RABGAP1L: variants seen among roughly 807,000 people sequenced by gnomAD.
RABGAP1L encodes RAB GTPase activating protein 1 like, also known as rab GTPase-activating protein 1-like.
A neutral mutation model predicts 137.7 loss-of-function variants in RABGAP1L; 63 were observed. The ratio of observed to expected loss-of-function variants is 0.46; its 90% confidence interval spans 0.37 to 0.56. The LOEUF (loss-of-function observed/expected upper bound fraction) is 0.56. Among genes scored for constraint, RABGAP1L ranks in the 20% least tolerant of loss-of-function variants. The probability of loss-of-function intolerance (pLI) is 0.00; values close to 1 mark genes in which losing one functional copy is unlikely to be tolerated. For synonymous variants in RABGAP1L, 431 were observed against 433.7 expected (o/e 0.99, Z 0.08); for missense variants, 1,095 against 1,244.0 (o/e 0.88, Z 1.80).
chr1:174,546,411 C>T (rs1403625365), intron 13 of RABGAP1L, among the ~76,000 whole-genome samples: 7 of 152,124 alleles, frequency 4.6e-5, no homozygotes, highest in African/African-American at 1.7e-4. Flanking sequence ...AAAAAATAGA[C>T]TATTAAACCA....
At chr1:174,290,259 T>C (rs1676469279) in intron 10 of RABGAP1L, among the ~76,000 whole-genome samples, 1 of 152,228 alleles carries the variant, frequency 6.6e-6, no homozygotes, top group Non-Finnish European at 1.5e-5. Flanking sequence ...ATGTGCTTGT[T>C]GCATGTGGTC....
intron 12 of RABGAP1L, among the ~76,000 whole-genome samples, chr1:174,384,876 A>G (rs1360426484): frequency 6.6e-6 from 1 of 152,204 alleles, no homozygotes; most frequent in Non-Finnish European, 1.5e-5. Context: ...ATATATCTAT[A>G]TTTGGTAATT....
At chr1:174,186,200 A>G (rs1001506059) in intron 1 of RABGAP1L, among the ~76,000 whole-genome samples, 8 of 152,074 alleles carry the variant, frequency 5.3e-5, no homozygotes, top group African/African-American at 1.9e-4. Flanking sequence ...AGAGAGTTTT[A>G]TGTTGACTTC....
At chr1:174,518,655 T>A (rs1022011836) in intron 13 of RABGAP1L, among the ~76,000 whole-genome samples, 1 of 152,234 alleles carries the variant, frequency 6.6e-6, no homozygotes, top group African/African-American at 2.4e-5. Flanking sequence ...AAGGAGATGC[T>A]GTTCACATTG....
chr1:174,700,999 G>A (rs958417310), intron 16 of RABGAP1L: 25 of 1,208,938 alleles, frequency 2.1e-5, no homozygotes, highest in Middle Eastern at 2.3e-4. Context: ...GCATTTGGAC[G>A]TTCCATTTGA....
intron 19 of RABGAP1L, among the ~76,000 whole-genome samples, chr1:174,840,822 A>AT (rs11453169): frequency 1.2e-5 from 1 of 86,462 alleles, no homozygotes; most frequent in Non-Finnish European, 3.1e-5. Context: ...TCTCAAAAAA[A>AT]AAAATAAAAA....
chr1:174,274,344 C>G (rs1674791700), intron 8 of RABGAP1L, among the ~76,000 whole-genome samples: 1 of 152,048 alleles, frequency 6.6e-6, no homozygotes, highest in Admixed American at 6.6e-5. Flanking sequence ...TGGACCCATA[C>G]TTTAAGGTCG....
intron 13 of RABGAP1L, among the ~76,000 whole-genome samples, chr1:174,551,568 T>G (rs559244657): frequency 6.9e-4 from 105 of 152,116 alleles, no homozygotes; most frequent in Middle Eastern, 3.4e-3. Context: ...ATGAGGAAGG[T>G]TCTCAGATCA....
intron 11 of RABGAP1L, among the ~76,000 whole-genome samples, chr1:174,349,673 C>T (rs1187037119): frequency 5.3e-5 from 7 of 132,170 alleles, no homozygotes; most frequent in African/African-American, 1.1e-4. Context: ...GGCGGCTGGC[C>T]GGGCGTGGGG....
chr1:174,315,211 G>A (rs1033513892), intron 11 of RABGAP1L, among the ~76,000 whole-genome samples: 9 of 152,042 alleles, frequency 5.9e-5, no homozygotes, highest in African/African-American at 9.7e-5. Flanking sequence ...TCTTTTTGCC[G>A]AATTGATCCC....
intron 13 of RABGAP1L, among the ~76,000 whole-genome samples, chr1:174,438,960 A>G (rs1395222901): frequency 2.0e-5 from 3 of 151,568 alleles, no homozygotes; most frequent in Non-Finnish European, 4.4e-5. Context: ...CTGTGTTCCG[A>G]CAAAATTTAT....
intron 11 of RABGAP1L, among the ~76,000 whole-genome samples, chr1:174,365,839 T>G (rs1179067763): frequency 6.6e-6 from 1 of 152,194 alleles, no homozygotes; most frequent in East Asian, 1.9e-4. Flanking sequence ...ATGACAGTGT[T>G]TTTCTTTGTG....
At chr1:174,720,222 T>C (rs1358691692) in intron 17 of RABGAP1L, among the ~76,000 whole-genome samples, 1 of 151,322 alleles carries the variant, frequency 6.6e-6, no homozygotes, top group Non-Finnish European at 1.5e-5. Context: ...GTTGCTGAGG[T>C]AACTGGAGAT....
chr1:174,534,746 G>C (rs1664747004), intron 13 of RABGAP1L, among the ~76,000 whole-genome samples: 1 of 119,618 alleles, frequency 8.4e-6, no homozygotes, highest in Non-Finnish European at 1.6e-5. Flanking sequence ...CTGCACTCCA[G>C]CTTGGATGAC....
chr1:174,767,392 A>G (rs961382411), intron 18 of RABGAP1L, among the ~76,000 whole-genome samples: 1 of 152,222 alleles, frequency 6.6e-6, no homozygotes, highest in Admixed American at 6.5e-5. Flanking sequence ...TTTTTAGCAT[A>G]CAAAAGTCTT....
At chr1:174,361,376 C>T (rs896393344) in intron 11 of RABGAP1L, among the ~76,000 whole-genome samples, 2 of 151,822 alleles carry the variant, frequency 1.3e-5, no homozygotes, top group African/African-American at 2.4e-5. Context: ...TTTGGGTAGT[C>T]TGGACATTTA....
At chr1:174,625,861 T>C (rs1455224527) in intron 13 of RABGAP1L, among the ~76,000 whole-genome samples, 1 of 152,136 alleles carries the variant, frequency 6.6e-6, no homozygotes, top group African/African-American at 2.4e-5. Flanking sequence ...TCTTTAAAAG[T>C]TTTTCAGAGA....
At chr1:174,792,034 A>T (rs1360415773) in intron 18 of RABGAP1L, among the ~76,000 whole-genome samples, 1 of 152,188 alleles carries the variant, frequency 6.6e-6, no homozygotes, top group Admixed American at 6.5e-5. Flanking sequence ...TCTTTATGGG[A>T]TACATTACTT....
intron 14 of RABGAP1L, among the ~76,000 whole-genome samples, chr1:174,681,713 G>C (rs1185377975): frequency 6.6e-6 from 1 of 151,752 alleles, no homozygotes; most frequent in Non-Finnish European, 1.5e-5. Context: ...TAAAGTTTAT[G>C]TTTTTGAGTA....
Sources: allele counts gnomAD v4.1 joint callset (sites outside exome capture counted in the v4.1 genomes callset), GRCh38; gene constraint gnomAD v4.1.1; transcripts MANE v1.5; gene names NCBI Gene and HGNC (gene_info 2026-07-23, HGNC 2026-07-21).